BUB1B: variants seen among roughly 807,000 people sequenced by gnomAD.
The protein encoded by BUB1B is BUB1 mitotic checkpoint serine/threonine kinase B.
BUB1B carries 86 observed loss-of-function variants against 137.7 expected under a neutral mutation model. That is an observed-to-expected ratio of 0.62 (90% CI 0.52 to 0.75). The LOEUF (loss-of-function observed/expected upper bound fraction) is 0.75, where lower values mean the gene tolerates loss of function less well. BUB1B is among the 30% of genes least tolerant of loss of function. The probability of loss-of-function intolerance (pLI) is 0.00; values close to 1 mark genes in which losing one functional copy is unlikely to be tolerated. For missense variants in BUB1B, 1,130 were observed against 1,236.9 expected (o/e 0.91, Z 1.30); for synonymous variants, 420 against 417.9 (o/e 1.00, Z -0.06).
At chr15:40,210,534 G>A (rs920058636) in intron 18 of BUB1B, among the ~76,000 whole-genome samples, 5 of 151,952 alleles carry the variant, frequency 3.3e-5, no homozygotes, top group Admixed American at 1.3e-4. Flanking sequence ...TTTTTTAAAG[G>A]ACACGGTCTC....
At chr15:40,190,576 T>C (rs2037423853) in intron 8 of BUB1B, among the ~76,000 whole-genome samples, 1 of 152,200 alleles carries the variant, frequency 6.6e-6, no homozygotes. Context: ...GTCACGCCAC[T>C]GTACTCCACC....
At chr15:40,170,963 T>C (rs2140882030) in intron 4 of BUB1B, among the ~76,000 whole-genome samples, 1 of 152,274 alleles carries the variant, frequency 6.6e-6, no homozygotes, top group South Asian at 2.1e-4. Context: ...TGAAACAAGG[T>C]CTCACTCTGT....
At position 40,208,698 on chromosome 15, in the gene BUB1B, T is replaced by C. The variant is rs754203479; in HGVS notation, c.2071T>C (p.Ser691Pro). ...HSSGFSGSSA[S>P]VASTSSIKCL... ...CTCTGGCTTCTCTGGTTCTTCTGCC[T>C]CGGTTGCAAGCACCTCCTCCATCAA... The change falls in exon 16 of 23, where the codon TCG (serine) becomes CCG (proline). Residue 691 changes from serine (S) to proline (P), a missense_variant. Transcript: ENST00000287598. 3 of 1,613,776 alleles carry C rather than the reference T, an allele frequency of 1.9e-6. No individual in the cohort carries two copies. Among genetic ancestry groups the C allele is most frequent in the Non-Finnish European group, 2.5e-6 (3 of 1,179,746 alleles).
intron 9 of BUB1B, among the ~76,000 whole-genome samples, chr15:40,197,132 G>A (rs1267651610): frequency 6.6e-6 from 1 of 152,136 alleles, no homozygotes; most frequent in Non-Finnish European, 1.5e-5. Flanking sequence ...TACATTCCAT[G>A]CATCCCTATT....
chr15:40,185,185 C>G lies in BUB1B; in HGVS notation c.772C>G (p.Leu258Val). Reference sequence around the variant, plus strand: ...CCTAGCTCCAAGCCAGAACAGAGGACTCCAAAATCCATTTCCTCAACAGAT... The same window carrying G: ...CCTAGCTCCAAGCCAGAACAGAGGAGTCCAAAATCCATTTCCTCAACAGAT... Reference protein sequence around the residue: ...ALKAPSQNRGLQNPFPQQMQN... With the variant: ...ALKAPSQNRGVQNPFPQQMQN... The change falls in exon 7 of 23, where the codon CTC becomes GTC. Residue 258 changes from leucine (L) to valine (V), a missense_variant. Coordinates refer to ENST00000287598, the MANE Select transcript of BUB1B (RefSeq NM_001211.6). The G allele has an allele frequency of 6.2e-7, 1 of 1,613,990 alleles. No homozygotes were observed. Among genetic ancestry groups the G allele is most frequent in the Non-Finnish European group, 8.5e-7 (1 of 1,179,952 alleles).
chr15:40,162,525 A>G (rs1255414790), intron 1 of BUB1B, among the ~76,000 whole-genome samples: 1 of 152,186 alleles, frequency 6.6e-6, no homozygotes, highest in Non-Finnish European at 1.5e-5. Flanking sequence ...CTCAAAAGTG[A>G]GTTGAGCCAG....
intron 19 of BUB1B, 127 bp from the exon 20 acceptor site, chr15:40,213,205 C>G: frequency 1.1e-6 from 1 of 946,500 alleles, no homozygotes. Flanking sequence ...TAGACTCAGT[C>G]TACAGAGGTG....
In BUB1B at chr15:40,185,264, C is replaced by T. The variant is rs2037345405; in HGVS notation, c.851C>T (p.Thr284Ile). 1 of 1,614,124 alleles carries T rather than the reference C, an allele frequency of 6.2e-7. No homozygotes were observed. The highest frequency in any genetic ancestry group is 8.5e-7 in the Non-Finnish European group (1 of 1,179,990). The change falls in exon 7 of 23, where the codon ACA (threonine) becomes ATA (isoleucine). Residue 284 changes from threonine to isoleucine, a missense_variant. By Grantham distance (89) the Thr-to-Ile change is moderately conservative (BLOSUM62 -1). Transcript: ENST00000287598. ...GATGAAAATGCTGATGAGGCTTCTA[C>T]AGCAGAGTTGTCTAAGCCTACAGTC... ...VFDENADEAS[T>I]AELSKPTVQP...
At position 40,220,823 on chromosome 15, in the gene BUB1B, A is replaced by C; in HGVS notation, c.*64A>C. On this transcript the variant is annotated 3_prime_UTR_variant, in exon 23 of 23. Coordinates refer to ENST00000287598, the MANE Select transcript of BUB1B (RefSeq NM_001211.6). ...AATGGTTGTATTGTGGAACACTGAA[A>C]CTGTATGTGCTGTAATTTAATTTAG... The C allele has an allele frequency of 6.6e-7, 1 of 1,509,632 alleles. No homozygotes were observed. The highest frequency in any genetic ancestry group is 9.2e-7 in the Non-Finnish European group (1 of 1,085,584). 93.5% of individuals were successfully genotyped at this position (1,509,632 alleles called of 1,614,324 possible).
At chr15:40,209,539 T>TC in intron 16 of BUB1B, 96 bp from the exon 17 acceptor site, 1 of 1,440,198 alleles carries the variant, frequency 6.9e-7, no homozygotes, top group Non-Finnish European at 9.7e-7. Context: ...GACTGTGTAA[T>TC]CTTGATTTTT....
chr15:40,193,531 G>A (rs1282773777), intron 8 of BUB1B, among the ~76,000 whole-genome samples: 1 of 140,256 alleles, frequency 7.1e-6, no homozygotes, highest in African/African-American at 2.7e-5. Flanking sequence ...CCCAGGCTGG[G>A]CTCAAGCAAT....
At chr15:40,189,879 C>T (rs2037414945) in intron 8 of BUB1B, among the ~76,000 whole-genome samples, 1 of 152,112 alleles carries the variant, frequency 6.6e-6, no homozygotes, top group Non-Finnish European at 1.5e-5. Context: ...TGTTATTATG[C>T]TTTTTTGGTT....
intron 11 of BUB1B, 115 bp downstream of exon 11, chr15:40,200,474 TG>T: frequency 1.4e-6 from 1 of 729,108 alleles, no homozygotes; most frequent in Middle Eastern, 2.4e-4. Context: ...ACATGGTTTT[TG>T]TAAGTCTCTG....
intron 4 of BUB1B, chr15:40,174,055 A>G (rs921303061): frequency 2.6e-5 from 10 of 377,518 alleles, no homozygotes; most frequent in Non-Finnish European, 5.0e-5. Flanking sequence ...CTATTAATCT[A>G]ACCATATAGT....
chr15:40,206,405 GCAGACAGCTTGTGGCACTATCTA>G lies in BUB1B; in HGVS notation c.1960_1982del (p.Thr654SerfsTer13). The G allele has an allele frequency of 6.2e-7, 1 of 1,614,212 alleles. No homozygotes were observed. Among genetic ancestry groups the G allele is most frequent in the South Asian group, 1.1e-5 (1 of 91,090 alleles). On this transcript the variant is annotated frameshift_variant, in exon 15 of 23. Transcript: ENST00000287598. LOFTEE classifies it high-confidence loss of function. ...TAGATGTAAAGACCTCTGAGGACCAGCAGACAGCTTGTGGCACTATCTACAGTCAGACTCTCAGCATCAAGAAG... is the reference window on the plus strand; with the variant it reads ...TAGATGTAAAGACCTCTGAGGACCAGCAGTCAGACTCTCAGCATCAAGAAG...
Position 40,208,832 on chromosome 15 carries a change from G to A in BUB1B, c.2143+62G>A, listed in dbSNP as rs1051845806. On this transcript the variant is annotated intron_variant, in intron 16 of 22. Transcript: ENST00000287598. ...ACACTTGTTTATCTCAGCAAACTGA[G>A]CTGTATGTTTTTCTTTTTTTGAGAC... The A allele has an allele frequency of 5.2e-6, 8 of 1,536,582 alleles. No homozygotes were observed. The African/African-American group carries it at 9.5e-5, about 18-fold the overall frequency.
At chr15:40,173,295 T>TAAAA (rs61078619) in intron 4 of BUB1B, among the ~76,000 whole-genome samples, 6 of 85,886 alleles carry the variant, frequency 7.0e-5, no homozygotes, top group Non-Finnish European at 1.2e-4. Context: ...GAAAAAAAGA[T>TAAAA]AAAAAAAAAA....
At chr15:40,199,955 T>C (rs373189245) in intron 10 of BUB1B, 24 of 586,328 alleles carry the variant, frequency 4.1e-5, no homozygotes, top group East Asian at 3.8e-4. Context: ...TTAGTTATAC[T>C]CCAAATCATT....
At position 40,206,813 on chromosome 15, in the gene BUB1B, A is replaced by T. The variant is rs556593061; in HGVS notation, c.2009+355A>T. On this transcript the variant is annotated intron_variant, in intron 15 of 22. Coordinates refer to ENST00000287598, the MANE Select transcript of BUB1B (RefSeq NM_001211.6). ...AGGATAGCTTTTGTTAATTTTATGT[A>T]TTTATTTATTTATTGAAATGGAGTC... Among the ~76,000 whole-genome samples the T allele has an allele frequency of 1.4e-4, 22 of 152,058 alleles. No homozygotes were observed. The East Asian group carries it at 4.3e-3, about 29-fold the overall frequency.
Sources: allele counts gnomAD v4.1 joint callset (sites outside exome capture counted in the v4.1 genomes callset), GRCh38; gene constraint gnomAD v4.1.1; transcripts MANE v1.5; gene names NCBI Gene and HGNC (gene_info 2026-07-23, HGNC 2026-07-21).